Variants in GRIK1 observed in about 807,000 individuals in gnomAD.
GRIK1 encodes glutamate ionotropic receptor kainate type subunit 1.
GRIK1 carries 69 observed loss-of-function variants against 105.7 expected under a neutral mutation model. The ratio of observed to expected loss-of-function variants is 0.65; its 90% CI spans 0.54 to 0.80. GRIK1 has a LOEUF of 0.80. GRIK1 is among the 30% of genes least tolerant of loss of function. The pLI is 0.00. For missense variants in GRIK1, 1,109 were observed against 1,167.3 expected (o/e 0.95, Z 0.73); for synonymous variants, 438 against 431.3 (o/e 1.02, Z -0.19).
intron 1 of GRIK1, among the ~76,000 whole-genome samples, chr21:29,706,711 C>T (rs2063915347): frequency 6.6e-6 from 1 of 152,194 alleles, no homozygotes; most frequent in Non-Finnish European, 1.5e-5. Flanking sequence ...AACATCATAT[C>T]ACAGAGGGAT....
chr21:29,684,831 CACCAACCTAGTATCT>C (rs2063457856), intron 3 of GRIK1, among the ~76,000 whole-genome samples: 1 of 152,186 alleles, frequency 6.6e-6, no homozygotes, highest in Non-Finnish European at 1.5e-5. Flanking sequence ...ATTACTTTTG[CACCAACCTAGTATCT>C]ACCTATCATG....
At chr21:29,719,697 C>T (rs1385584571) in intron 1 of GRIK1, among the ~76,000 whole-genome samples, 1 of 152,080 alleles carries the variant, frequency 6.6e-6, no homozygotes, top group East Asian at 1.9e-4. Context: ...ACAACAGCTT[C>T]TGTACAATAT....
At position 29,892,882 on chromosome 21, in the gene GRIK1, AT is replaced by A. The variant is rs1337556893; in HGVS notation, c.118+46500del. The stretch of plus-strand genomic sequence containing the variant: ...AGCACCTCCAAAACATTCTGAGGGA[AT>A]TTAAATTTGGCCGGACACAGTGGCT... On this transcript the variant is annotated intron_variant, in intron 1 of 17. Transcript: ENST00000327783. Among the ~76,000 whole-genome samples the A allele has an allele frequency of 2.6e-5, 4 of 152,126 alleles. No homozygotes were observed. In the East Asian group the frequency reaches 7.7e-4, roughly 29 times the overall value.
At chr21:29,648,603 C>CACAAA (rs2062664515) in intron 6 of GRIK1, among the ~76,000 whole-genome samples, 1 of 152,104 alleles carries the variant, frequency 6.6e-6, no homozygotes. Flanking sequence ...GAAAGCAAAG[C>CACAAA]ACAAAATCAC....
intron 1 of GRIK1, among the ~76,000 whole-genome samples, chr21:29,726,693 AC>A (rs780759527): frequency 1.3e-5 from 2 of 151,626 alleles, no homozygotes; most frequent in Non-Finnish European, 2.9e-5. Context: ...GTTACATAAA[AC>A]CCTATTATAT....
At chr21:29,603,200 T>C (rs1023135887) in intron 7 of GRIK1, among the ~76,000 whole-genome samples, 3 of 152,054 alleles carry the variant, frequency 2.0e-5, no homozygotes, top group East Asian at 1.9e-4. Context: ...GTGGATATTA[T>C]GACAAAAGGA....
intron 1 of GRIK1, among the ~76,000 whole-genome samples, chr21:29,825,032 T>G (rs1002203367): frequency 4.6e-5 from 7 of 152,054 alleles, no homozygotes; most frequent in African/African-American, 1.7e-4. Flanking sequence ...GTTTAATATA[T>G]TATTGTGGGA....
At position 29,864,410 on chromosome 21, in the gene GRIK1, T is replaced by G. The variant is rs190935485; in HGVS notation, c.118+74973A>C. On this transcript the variant is annotated intron_variant, in intron 1 of 17. Coordinates refer to ENST00000327783, the MANE Select transcript of GRIK1 (RefSeq NM_001330994.2). ...GAATTTTGACCTCTTAAATCAATAC[T>G]CAAATCTTACCTTTAAAGTTCCATT... is the stretch of plus-strand genomic sequence containing the variant. Among the ~76,000 whole-genome samples the G allele has an allele frequency of 4.0e-3, 615 of 152,264 alleles. 3 individuals carry two copies. Among genetic ancestry groups the G allele is most frequent in the Non-Finnish European group, 6.5e-3 (443 of 68,016 alleles).
At chr21:29,619,497 G>A (rs962283570) in intron 7 of GRIK1, among the ~76,000 whole-genome samples, 9 of 151,928 alleles carry the variant, frequency 5.9e-5, no homozygotes, top group African/African-American at 2.2e-4. Flanking sequence ...AGTGGGAAGG[G>A]GGTGAGCGGT....
chr21:29,553,295 A>G lies in GRIK1; in HGVS notation c.2607+1757T>C, dbSNP rs78434255. ...ATTTTTAATGCATGAAGATAGAACT[A>G]AGATGATGAGTGGGACAGAGAAGAT... On this transcript the variant is annotated intron_variant, in intron 16 of 17. Coordinates refer to ENST00000327783, the MANE Select transcript of GRIK1 (RefSeq NM_001330994.2). The G allele has an allele frequency of 3.2e-4, 343 of 1,076,510 alleles. 5 individuals are homozygous for G. The East Asian group carries it at 0.02, about 62-fold the overall frequency. 66.7% of individuals were successfully genotyped at this position (1,076,510 alleles called of 1,614,324 possible).
intron 2 of GRIK1, among the ~76,000 whole-genome samples, chr21:29,693,430 A>G (rs2063623578): frequency 6.6e-6 from 1 of 152,190 alleles, no homozygotes; most frequent in Non-Finnish European, 1.5e-5. Flanking sequence ...GATTTTGTGG[A>G]AAAGAGTAAA....
chr21:29,628,370 T>C (rs1024591813), intron 7 of GRIK1, among the ~76,000 whole-genome samples: 2 of 152,248 alleles, frequency 1.3e-5, no homozygotes, highest in Non-Finnish European at 2.9e-5. Flanking sequence ...TTAACTATTA[T>C]GTGTGCTGTT....
At chr21:29,580,443 T>C (rs1316849702) in intron 13 of GRIK1, among the ~76,000 whole-genome samples, 1 of 151,780 alleles carries the variant, frequency 6.6e-6, no homozygotes, top group Non-Finnish European at 1.5e-5. Flanking sequence ...TCCCACTTTC[T>C]TCAACTATTT....
At chr21:29,606,176 A>G (rs2061611549) in intron 7 of GRIK1, among the ~76,000 whole-genome samples, 1 of 152,184 alleles carries the variant, frequency 6.6e-6, no homozygotes, top group African/African-American at 2.4e-5. Flanking sequence ...ATGTTAATTT[A>G]TAGGATTTGT....
chr21:29,787,372 TATATAA>T (rs2066285936), intron 1 of GRIK1, among the ~76,000 whole-genome samples: 1 of 152,192 alleles, frequency 6.6e-6, no homozygotes, highest in Non-Finnish European at 1.5e-5. Context: ...GAGAGCATCT[TATATAA>T]ATGTTTTCCT....
At chr21:29,769,983 A>T (rs998993150) in intron 1 of GRIK1, among the ~76,000 whole-genome samples, 2 of 152,198 alleles carry the variant, frequency 1.3e-5, no homozygotes, top group African/African-American at 4.8e-5. Context: ...CAAAGATGTG[A>T]GTATGATGTT....
intron 16 of GRIK1, among the ~76,000 whole-genome samples, chr21:29,542,721 C>G (rs1182690717): frequency 6.6e-6 from 1 of 152,188 alleles, no homozygotes; most frequent in Non-Finnish European, 1.5e-5. Flanking sequence ...GTAAACATTT[C>G]AGAGAACTGC....
intron 1 of GRIK1, among the ~76,000 whole-genome samples, chr21:29,888,722 G>A (rs997454927): frequency 6.6e-6 from 1 of 152,188 alleles, no homozygotes; most frequent in African/African-American, 2.4e-5. Context: ...ACAGCCTGAA[G>A]CCTTTTTATA....
chr21:29,820,669 C>T (rs2067275653), intron 1 of GRIK1, among the ~76,000 whole-genome samples: 1 of 212 alleles, frequency 4.7e-3, no homozygotes, highest in Admixed American at 0.045. Context: ...CTATAGTTCT[C>T]CCTCCTAGTG....
Sources: allele counts gnomAD v4.1 joint callset (sites outside exome capture counted in the v4.1 genomes callset), GRCh38; gene constraint gnomAD v4.1.1; transcripts MANE v1.5; gene names NCBI Gene and HGNC (gene_info 2026-07-23, HGNC 2026-07-21).